The following RNF220 variants were observed in gnomAD, a reference collection of about 807,000 sequenced individuals.
RNF220 encodes ring finger protein 220.
RNF220 carries 7 observed loss-of-function variants against 67.1 expected under a neutral mutation model. The ratio of observed to expected loss-of-function variants is 0.10; its 90% CI spans 0.06 to 0.20. The LOEUF (loss-of-function observed/expected upper bound fraction) is 0.20, where lower values mean the gene tolerates loss of function less well. Among genes scored for constraint, RNF220 ranks in the 10% least tolerant of loss-of-function variants. The pLI is 1.00. For missense variants in RNF220, 565 were observed against 740.3 expected (o/e 0.76, Z 2.75); for synonymous variants, 270 against 283.2 (o/e 0.95, Z 0.47).
rs1331532141 is a variant in RNF220, at chr1:44,621,041, G to A, written c.759-1701G>A. On this transcript the variant is annotated intron_variant, in intron 3 of 14. Coordinates refer to ENST00000361799, the MANE Select transcript of RNF220 (RefSeq NM_018150.4). This position sits in a 1 kb window ranked among gnomAD's most constrained non-coding sequence, Gnocchi z 4.8. ...AGCGATTCTCCTGCCTCAGCCTCCCGAGTAGCTGGGATTACAGGCGCCTGC... is the reference window on the plus strand; with the variant it reads ...AGCGATTCTCCTGCCTCAGCCTCCCAAGTAGCTGGGATTACAGGCGCCTGC... Among the ~76,000 whole-genome samples, 3 of 150,984 alleles carry A rather than the reference G, an allele frequency of 2.0e-5. No individual in the cohort carries two copies. The highest frequency in any genetic ancestry group is 4.4e-5 in the Non-Finnish European group (3 of 67,874).
At chr1:44,427,647 T>C (rs1283118536) in intron 2 of RNF220, among the ~76,000 whole-genome samples, 1 of 152,194 alleles carries the variant, frequency 6.6e-6, no homozygotes, top group Non-Finnish European at 1.5e-5. Context: ...TTTACAGACA[T>C]AGTAGTTTAA....
intron 2 of RNF220, among the ~76,000 whole-genome samples, chr1:44,566,134 G>A (rs1302045540): frequency 1.3e-5 from 2 of 151,906 alleles, no homozygotes; most frequent in African/African-American, 4.8e-5. Context: ...CCTTCCCCAG[G>A]GGCAGGGACC....
chr1:44,424,734 G>C (rs11808742), intron 2 of RNF220, among the ~76,000 whole-genome samples: 163 of 152,310 alleles, frequency 1.1e-3, no homozygotes, highest in African/African-American at 3.9e-3. Flanking sequence ...CCCTCTGCCT[G>C]TCTTATTGCT....
chr1:44,449,561 G>A (rs1395288329), intron 2 of RNF220, among the ~76,000 whole-genome samples: 1 of 152,018 alleles, frequency 6.6e-6, no homozygotes, highest in African/African-American at 2.4e-5. Context: ...TTACAGGCAT[G>A]TGCCACCATG....
chr1:44,622,606 T>A lies in RNF220; in HGVS notation c.759-136T>A. ...GCTGGGCCACTGGGATTGAAAGGAC[T>A]GGGTGGAGCTTGGCTGAGCTGGGCT... is the stretch of plus-strand genomic sequence containing the variant. On this transcript the variant is annotated intron_variant, in intron 3 of 14. Transcript: ENST00000361799. The surrounding 1 kb of genome is among the most constrained non-coding windows in gnomAD (Gnocchi z 4.3). The A allele has an allele frequency of 1.4e-6, 1 of 708,398 alleles. No homozygotes were observed. The highest frequency in any genetic ancestry group is 2.5e-6 in the Non-Finnish European group (1 of 403,204). 43.9% of individuals were successfully genotyped at this position (708,398 alleles called of 1,614,324 possible).
rs950994857 is a variant in RNF220 at position 44,599,270 on chromosome 1, T to A, written c.626-14895T>A. Among the ~76,000 whole-genome samples, 63 of 152,216 alleles carry A rather than the reference T, an allele frequency of 4.1e-4. 1 individual carries two copies. Among genetic ancestry groups the A allele is most frequent in the Non-Finnish European group, 7.3e-5 (5 of 68,040 alleles). Reference sequence around the variant, plus strand: ...AATAAATAATTGCAATATTATATGATGTATGCAATAATCGACATATAGACA... The same window carrying A: ...AATAAATAATTGCAATATTATATGAAGTATGCAATAATCGACATATAGACA... On this transcript the variant is annotated intron_variant, in intron 2 of 14. Coordinates refer to ENST00000361799, the MANE Select transcript of RNF220 (RefSeq NM_018150.4).
At chr1:44,590,396 A>G (rs1448824633) in intron 2 of RNF220, among the ~76,000 whole-genome samples, 2 of 152,042 alleles carry the variant, frequency 1.3e-5, no homozygotes, top group Non-Finnish European at 1.5e-5. Flanking sequence ...TGATCTCAGT[A>G]TTCTCCATCC....
chr1:44,431,180 A>G (rs1650323370), intron 2 of RNF220, among the ~76,000 whole-genome samples: 1 of 152,156 alleles, frequency 6.6e-6, no homozygotes, highest in African/African-American at 2.4e-5. Flanking sequence ...TCTAGGAGCT[A>G]TATAGTGAAG....
intron 2 of RNF220, among the ~76,000 whole-genome samples, chr1:44,445,145 T>C (rs2147910511): frequency 6.6e-6 from 1 of 152,326 alleles, no homozygotes; most frequent in East Asian, 1.9e-4. Flanking sequence ...TTATTGGCCA[T>C]TTAAATGTTC....
At chr1:44,567,910 C>T (rs2148309019) in intron 2 of RNF220, among the ~76,000 whole-genome samples, 1 of 152,236 alleles carries the variant, frequency 6.6e-6, no homozygotes, top group African/African-American at 2.4e-5. Flanking sequence ...CTCCAGACTC[C>T]ACCCGGACTC....
chr1:44,452,263 T>A (rs967350510), intron 2 of RNF220, among the ~76,000 whole-genome samples: 29 of 152,112 alleles, frequency 1.9e-4, no homozygotes, highest in African/African-American at 7.0e-4. Flanking sequence ...TAAAAAACCT[T>A]ATGAGGCCAG....
intron 2 of RNF220, among the ~76,000 whole-genome samples, chr1:44,521,043 GCAC>G (rs1659898522): frequency 6.6e-6 from 1 of 152,100 alleles, no homozygotes; most frequent in Non-Finnish European, 1.5e-5. Flanking sequence ...CTACAGGTGT[GCAC>G]CACCATGCCC....
chr1:44,430,307 A>G (rs564766350), intron 2 of RNF220, among the ~76,000 whole-genome samples: 1 of 152,190 alleles, frequency 6.6e-6, no homozygotes, highest in South Asian at 2.1e-4. Flanking sequence ...ATGATTTTAA[A>G]AAGTTAATTT....
chr1:44,448,916 G>C (rs1652380059), intron 2 of RNF220, among the ~76,000 whole-genome samples: 1 of 152,192 alleles, frequency 6.6e-6, no homozygotes, highest in Non-Finnish European at 1.5e-5. Flanking sequence ...TGATTATTGA[G>C]TATTGGCCTC....
chr1:44,632,734 CTGAGAA>C lies in RNF220; in HGVS notation c.949+352_949+357del, dbSNP rs1174989526. 14 of 393,970 alleles carry C rather than the reference CTGAGAA, an allele frequency of 3.6e-5. No homozygotes were observed. In the East Asian group the frequency reaches 5.8e-4, roughly 16 times the overall value. The allele number at this position is 393,970 out of a possible 1,614,324, so 24.4% of individuals were successfully genotyped here. A position where few individuals can be genotyped will look rare whatever the true frequency, so the allele number is the denominator to read the frequency against. On this transcript the variant is annotated intron_variant, in intron 6 of 14. Coordinates refer to ENST00000361799, the MANE Select transcript of RNF220 (RefSeq NM_018150.4). ...CCTCACTATACAAACCTGCAGGGCG[CTGAGAA>C]TGTTTTTCTTCCAGTTTTTAATCAG... is the stretch of plus-strand genomic sequence containing the variant.
chr1:44,612,539 C>T (rs556639036), intron 2 of RNF220, among the ~76,000 whole-genome samples: 10 of 152,250 alleles, frequency 6.6e-5, no homozygotes, highest in South Asian at 6.2e-4. Flanking sequence ...CCAAGGGAGC[C>T]GTAATCATCC....
chr1:44,406,268 G>C (rs965456857), intron 1 of RNF220, among the ~76,000 whole-genome samples: 4 of 152,174 alleles, frequency 2.6e-5, no homozygotes, highest in Middle Eastern at 3.2e-3. Context: ...GATCCTCTGC[G>C]GGCAGGAAGG....
chr1:44,581,258 A>G (rs1021030206), intron 2 of RNF220, among the ~76,000 whole-genome samples: 4 of 152,250 alleles, frequency 2.6e-5, no homozygotes, highest in Non-Finnish European at 5.9e-5. Context: ...ATAAAATCCA[A>G]TGACATGTGG....
intron 5 of RNF220, among the ~76,000 whole-genome samples, chr1:44,630,418 G>C (rs1287959027): frequency 1.3e-5 from 2 of 152,214 alleles, no homozygotes; most frequent in African/African-American, 4.8e-5. Flanking sequence ...TTGAACTTGA[G>C]TCTGTCTGGC....
Sources: allele counts gnomAD v4.1 joint callset (sites outside exome capture counted in the v4.1 genomes callset), GRCh38; gene constraint gnomAD v4.1.1; non-coding constraint Gnocchi (gnomAD v3.1); transcripts MANE v1.5; gene names NCBI Gene and HGNC (gene_info 2026-07-23, HGNC 2026-07-21).